LRRC4C: variants seen among roughly 807,000 people sequenced by gnomAD.
LRRC4C encodes the protein leucine rich repeat containing 4C.
In LRRC4C, 5 loss-of-function variants were observed where a neutral mutation model predicts 33.6. The ratio of observed to expected loss-of-function variants is 0.15; its 90% CI spans 0.08 to 0.31. The LOEUF (loss-of-function observed/expected upper bound fraction) is 0.31, where lower values mean the gene tolerates loss of function less well. Among genes scored for constraint, LRRC4C ranks in the 10% least tolerant of loss-of-function variants. The pLI, the probability that LRRC4C is intolerant of heterozygous loss-of-function variation, is 1.00. For synonymous variants in LRRC4C, 329 were observed against 302.0 expected (o/e 1.09, Z -0.93); for missense variants, 560 against 796.7 (o/e 0.70, Z 3.58).
intron 1 of LRRC4C, among the ~76,000 whole-genome samples, chr11:41,251,546 A>C (rs1340186080): frequency 6.6e-6 from 1 of 152,198 alleles, no homozygotes; most frequent in African/African-American, 2.4e-5. Context: ...TCACAGCTTA[A>C]TAGAAGTATT....
intron 2 of LRRC4C, among the ~76,000 whole-genome samples, chr11:40,708,010 T>C (rs923982790): frequency 1.2e-4 from 19 of 152,224 alleles, no homozygotes; most frequent in African/African-American, 4.1e-4. Context: ...GAAGTATTTA[T>C]AGTATTCTCT....
chr11:40,566,366 T>C (rs1957769455), intron 3 of LRRC4C, among the ~76,000 whole-genome samples: 1 of 152,002 alleles, frequency 6.6e-6, no homozygotes, highest in African/African-American at 2.4e-5. Flanking sequence ...GAACGTTGAG[T>C]ACCATATTTC....
chr11:40,720,494 C>T (rs1237122842), intron 2 of LRRC4C, among the ~76,000 whole-genome samples: 4 of 152,020 alleles, frequency 2.6e-5, no homozygotes, highest in South Asian at 2.1e-4. Flanking sequence ...AGTTCAAAAA[C>T]GATAGTTAGC....
At chr11:41,205,218 A>G (rs1825221761) in intron 1 of LRRC4C, among the ~76,000 whole-genome samples, 1 of 152,226 alleles carries the variant, frequency 6.6e-6, no homozygotes, top group South Asian at 2.1e-4. Flanking sequence ...GATCATACAG[A>G]GCTATATAAA....
rs572457798 is a variant in LRRC4C, at chr11:40,533,802, C to A, written c.-270+114340G>T. On this transcript the variant is annotated intron_variant, in intron 3 of 6. Transcript: ENST00000528697. ...TTGGAAGAAGCATAAGTTGAGGAAC[C>A]AGTAGACTTAAGTGAATCCTGGTGT... 1.8e-4 allele frequency among the ~76,000 whole-genome samples: 27 copies of A among 152,210 alleles called. 1 individual carries two copies. The highest frequency in any genetic ancestry group is 5.8e-4 in the East Asian group (3 of 5,156).
chr11:40,732,831 C>T (rs1000063093), intron 2 of LRRC4C, among the ~76,000 whole-genome samples: 34 of 152,130 alleles, frequency 2.2e-4, no homozygotes, highest in Admixed American at 1.9e-3. Context: ...ACTACTTTGT[C>T]CAGCTCTACT....
intron 3 of LRRC4C, among the ~76,000 whole-genome samples, chr11:40,607,236 G>A (rs909896907): frequency 1.3e-5 from 2 of 152,190 alleles, no homozygotes; most frequent in Non-Finnish European, 2.9e-5. Flanking sequence ...AATTGGTACA[G>A]GATGGGGGAA....
chr11:40,385,684 T>A (rs896712270), intron 3 of LRRC4C, among the ~76,000 whole-genome samples: 2 of 151,978 alleles, frequency 1.3e-5, no homozygotes, highest in South Asian at 4.2e-4. Context: ...CTGGCCAACA[T>A]GGTGAAACCC....
intron 1 of LRRC4C, among the ~76,000 whole-genome samples, chr11:41,013,019 T>C (rs371723254): frequency 1.3e-5 from 2 of 152,230 alleles, no homozygotes; most frequent in East Asian, 3.8e-4. Context: ...TTTCTGAAGA[T>C]TCTGTGAGTT....
intron 1 of LRRC4C, among the ~76,000 whole-genome samples, chr11:41,417,884 T>G (rs1452953444): frequency 1.3e-5 from 2 of 151,754 alleles, no homozygotes; most frequent in Non-Finnish European, 2.9e-5. Flanking sequence ...AGCTAATATT[T>G]CTTTTCTCAA....
At chr11:40,742,654 A>G (rs1260619507) in intron 2 of LRRC4C, among the ~76,000 whole-genome samples, 1 of 152,054 alleles carries the variant, frequency 6.6e-6, no homozygotes, top group Non-Finnish European at 1.5e-5. Context: ...TCCTTGGAGT[A>G]AAGAGAAAGT....
intron 1 of LRRC4C, among the ~76,000 whole-genome samples, chr11:41,139,706 C>A (rs1348767806): frequency 1.2e-4 from 1 of 8,034 alleles, no homozygotes; most frequent in African/African-American, 1.3e-4. Flanking sequence ...TAATACTTTT[C>A]AATTTTTTTT....
At chr11:40,452,038 T>C (rs1951911305) in intron 3 of LRRC4C, among the ~76,000 whole-genome samples, 1 of 152,050 alleles carries the variant, frequency 6.6e-6, no homozygotes, top group Non-Finnish European at 1.5e-5. Context: ...GGAATTCCCT[T>C]TCCTAGCCAA....
At chr11:40,717,377 G>T (rs977692134) in intron 2 of LRRC4C, among the ~76,000 whole-genome samples, 17 of 150,918 alleles carry the variant, frequency 1.1e-4, no homozygotes, top group African/African-American at 4.1e-4. Flanking sequence ...AAAGTCTTTT[G>T]AGTCTTTTGA....
At chr11:41,295,699 T>C (rs1950122259) in intron 1 of LRRC4C, among the ~76,000 whole-genome samples, 1 of 152,068 alleles carries the variant, frequency 6.6e-6, no homozygotes, top group South Asian at 2.1e-4. Flanking sequence ...ATATCACAGA[T>C]CATATCATAT....
intron 2 of LRRC4C, among the ~76,000 whole-genome samples, chr11:40,733,497 T>C (rs748534772): frequency 2.0e-5 from 3 of 152,216 alleles, no homozygotes; most frequent in Non-Finnish European, 4.4e-5. Flanking sequence ...GGGATCCAGA[T>C]TGAACCCACT....
At chr11:40,365,099 G>T (rs2137205225) in intron 3 of LRRC4C, among the ~76,000 whole-genome samples, 1 of 141,118 alleles carries the variant, frequency 7.1e-6, no homozygotes, top group African/African-American at 2.5e-5. Flanking sequence ...TAGAAAACTG[G>T]ATCCACAAAG....
chr11:40,314,585 G>GACAT (rs1470121578), intron 4 of LRRC4C, among the ~76,000 whole-genome samples: 1 of 152,114 alleles, frequency 6.6e-6, no homozygotes, highest in Non-Finnish European at 1.5e-5. Flanking sequence ...ATAAGGAAGA[G>GACAT]ACATCTACAT....
chr11:40,260,655 G>A (rs1233416090), intron 4 of LRRC4C, among the ~76,000 whole-genome samples: 1 of 152,130 alleles, frequency 6.6e-6, no homozygotes, highest in Non-Finnish European at 1.5e-5. Flanking sequence ...AGCTAAGAAA[G>A]GATGAGGACC....
Sources: allele counts gnomAD v4.1 joint callset (sites outside exome capture counted in the v4.1 genomes callset), GRCh38; gene constraint gnomAD v4.1.1; transcripts MANE v1.5; gene names NCBI Gene and HGNC (gene_info 2026-07-23, HGNC 2026-07-21).